The following TMEM131L variants were observed in gnomAD, a reference collection of about 807,000 sequenced individuals.
The protein encoded by TMEM131L is transmembrane 131 like.
A neutral mutation model predicts 192.2 loss-of-function variants in TMEM131L; 54 were observed. The ratio of observed to expected loss-of-function variants is 0.28; its 90% confidence interval spans 0.23 to 0.35. TMEM131L has a LOEUF of 0.35. Ranked by LOEUF, TMEM131L falls within the 10% of genes least tolerant of loss-of-function variation. The probability of loss-of-function intolerance (pLI) is 1.00; values close to 1 mark genes in which losing one functional copy is unlikely to be tolerated. For missense variants in TMEM131L, 1,888 were observed against 1,972.9 expected (o/e 0.96, Z 0.82); for synonymous variants, 701 against 704.9 (o/e 0.99, Z 0.09).
intron 18 of TMEM131L, 43 bp downstream of exon 18, chr4:153,592,627 G>C (rs1223086785): frequency 7.7e-7 from 1 of 1,305,160 alleles, no homozygotes; most frequent in Non-Finnish European, 1.1e-6. Flanking sequence ...GGAAGTACTT[G>C]GGAAGACTTA....
At chr4:153,527,285 G>A (rs950643306) in intron 3 of TMEM131L, among the ~76,000 whole-genome samples, 7 of 151,744 alleles carry the variant, frequency 4.6e-5, no homozygotes, top group Non-Finnish European at 1.0e-4. Context: ...TCTTTGTGGG[G>A]GGGCGGTGAT....
chr4:153,592,430 G>A (rs749648362), intron 17 of TMEM131L, 45 bp from the exon 18 acceptor site: 5 of 1,282,098 alleles, frequency 3.9e-6, no homozygotes, highest in Non-Finnish European at 5.7e-6. Flanking sequence ...CAGGAGGGAT[G>A]CTGTGTCCCT....
rs1734518216 is a variant in TMEM131L, at chr4:153,635,649, A to G, written c.4557+78A>G. 2.0e-6 allele frequency: 3 copies of G among 1,510,342 alleles called. No homozygotes were observed. The East Asian group carries it at 6.9e-5, about 35-fold the overall frequency. The allele number at this position is 1,510,342 out of a possible 1,614,324, so 93.6% of individuals were successfully genotyped here. ...CCACTGCTTCCTTAATCCTGGTCTC[A>G]GCTAGCTTTAGCGTTGGGTTTGGAC... is the stretch of plus-strand genomic sequence containing the variant. On this transcript the variant is annotated intron_variant, in intron 34 of 34. Transcript: ENST00000409959.
intron 26 of TMEM131L, among the ~76,000 whole-genome samples, chr4:153,613,438 G>C (rs1383056483): frequency 6.6e-6 from 1 of 152,182 alleles, no homozygotes; most frequent in African/African-American, 2.4e-5. Context: ...TCTCAGTAGA[G>C]AGCCAGTTCT....
intron 9 of TMEM131L, 30 bp from the exon 10 acceptor site, chr4:153,583,160 C>T (rs764361389): frequency 3.6e-6 from 4 of 1,115,604 alleles, no homozygotes; most frequent in Non-Finnish European, 5.5e-6. Flanking sequence ...ATTAAATACT[C>T]TGCTTTAATA....
rs1421972587 is a variant in TMEM131L, at chr4:153,621,631, T to C, written c.3693-52T>C. ...GTGTCATGGAAAGGAAGTCTGCATG[T>C]GTACATGATAAAATACAGATGTGTT... On this transcript the variant is annotated intron_variant, in intron 27 of 34. Coordinates refer to ENST00000409959, the MANE Select transcript of TMEM131L (RefSeq NM_001131007.2). 1.9e-6 allele frequency: 3 copies of C among 1,581,692 alleles called. No individual in the cohort carries two copies. The East Asian group carries it at 6.7e-5, about 35-fold the overall frequency.
rs1734509685 is a variant in TMEM131L at position 153,635,545 on chromosome 4, G to A, written c.4531G>A (p.Gly1511Arg). The A allele has an allele frequency of 1.2e-6, 2 of 1,614,132 alleles. No homozygotes were observed. Among genetic ancestry groups the A allele is most frequent in the Non-Finnish European group, 1.7e-6 (2 of 1,180,006 alleles). Residue 1511 changes from glycine (G) to arginine (R), a missense_variant, in exon 34 of 35, where the codon GGA (glycine) becomes AGA (arginine). Physicochemically the swap from Gly to Arg is moderately radical, Grantham distance 125. Coordinates refer to ENST00000409959, the MANE Select transcript of TMEM131L (RefSeq NM_001131007.2). ...CCCACCCAACATGCCTGCTGCCTGGGGACATGCCAGTTTCATCAGCTCTCC... is the reference window on the plus strand; with the variant it reads ...CCCACCCAACATGCCTGCTGCCTGGAGACATGCCAGTTTCATCAGCTCTCC... ...NTPPNMPAAWGHASFISSPPY... is the reference protein window; with the variant it reads ...NTPPNMPAAWRHASFISSPPY...
chr4:153,601,020 G>T (rs189398710), intron 21 of TMEM131L, among the ~76,000 whole-genome samples: 2 of 150,754 alleles, frequency 1.3e-5, no homozygotes, highest in Non-Finnish European at 2.9e-5. Flanking sequence ...TGAGGCAAGA[G>T]AATTGCTTGA....
At chr4:153,487,596 A>G (rs1202065498) in intron 3 of TMEM131L, among the ~76,000 whole-genome samples, 1 of 152,104 alleles carries the variant, frequency 6.6e-6, no homozygotes, top group African/African-American at 2.4e-5. Context: ...AGTAACAGAA[A>G]GTCTCAGTTG....
rs1177255196 is a variant in TMEM131L at position 153,563,456 on chromosome 4, C to CTTTTT, written c.660+5113_660+5117dup. ...AGCAGTGAGAAAACGGATATGTACC[C>CTTTTT]TTTTTTTTTTTTTTTTTTTTTTTTT... On this transcript the variant is annotated intron_variant, in intron 7 of 34. Transcript: ENST00000409959. Among the ~76,000 whole-genome samples the CTTTTT allele has an allele frequency of 1.9e-3, 164 of 88,206 alleles. 13 individuals are homozygous for CTTTTT. The highest frequency in any genetic ancestry group is 4.1e-3 in the African/African-American group (89 of 21,528). The allele number at this position is 88,206 out of a possible 152,430, so 57.9% of individuals were successfully genotyped here. A position where few individuals can be genotyped will look rare whatever the true frequency, so the allele number is the denominator to read the frequency against.
intron 4 of TMEM131L, among the ~76,000 whole-genome samples, chr4:153,554,410 C>T (rs1404755535): frequency 2.6e-5 from 4 of 152,082 alleles, no homozygotes; most frequent in African/African-American, 9.7e-5. Context: ...TATATTAAAC[C>T]TTTCGTTAAG....
chr4:153,487,336 T>G (rs1352656366), intron 3 of TMEM131L, among the ~76,000 whole-genome samples: 2 of 152,164 alleles, frequency 1.3e-5, no homozygotes, highest in African/African-American at 4.8e-5. Context: ...CGTATTCTCT[T>G]CATAGGGTAT....
At chr4:153,575,788 G>T (rs1002989608) in intron 7 of TMEM131L, among the ~76,000 whole-genome samples, 2 of 152,034 alleles carry the variant, frequency 1.3e-5, no homozygotes, top group African/African-American at 4.8e-5. Flanking sequence ...GTTTTTATTT[G>T]TTTTTCCTGT....
chr4:153,576,584 T>C (rs1729958043), intron 7 of TMEM131L, among the ~76,000 whole-genome samples: 1 of 152,176 alleles, frequency 6.6e-6, no homozygotes, highest in Non-Finnish European at 1.5e-5. Context: ...GTGTGAACTT[T>C]TAACATCTTT....
intron 31 of TMEM131L, among the ~76,000 whole-genome samples, chr4:153,630,624 C>T (rs1734145051): frequency 6.6e-6 from 1 of 152,230 alleles, no homozygotes; most frequent in South Asian, 2.1e-4. Context: ...TCAGTCACTT[C>T]AGCTAGTATC....
intron 7 of TMEM131L, among the ~76,000 whole-genome samples, chr4:153,560,693 T>C (rs1420746856): frequency 6.6e-6 from 1 of 152,254 alleles, no homozygotes; most frequent in East Asian, 1.9e-4. Context: ...GATTGGCATC[T>C]TTCCCTTAGC....
chr4:153,590,456 A>G (rs1450199718), intron 16 of TMEM131L, among the ~76,000 whole-genome samples: 1 of 152,058 alleles, frequency 6.6e-6, no homozygotes, highest in Non-Finnish European at 1.5e-5. Context: ...GAGTGACAGA[A>G]CTCTCCATTG....
chr4:153,629,575 C>A (rs904754592), intron 31 of TMEM131L, among the ~76,000 whole-genome samples: 1 of 152,204 alleles, frequency 6.6e-6, no homozygotes, highest in African/African-American at 2.4e-5. Context: ...TTAGGAGACT[C>A]CTTAGAAGAA....
intron 3 of TMEM131L, among the ~76,000 whole-genome samples, chr4:153,505,651 G>A (rs550084654): frequency 6.6e-6 from 1 of 152,188 alleles, no homozygotes; most frequent in African/African-American, 2.4e-5. Context: ...ATTGTGTTTA[G>A]AGGTAAGTTC....
Sources: allele counts gnomAD v4.1 joint callset (sites outside exome capture counted in the v4.1 genomes callset), GRCh38; gene constraint gnomAD v4.1.1; transcripts MANE v1.5; gene names NCBI Gene and HGNC (gene_info 2026-07-23, HGNC 2026-07-21).